ZFHX3: variants seen among roughly 807,000 people sequenced by gnomAD.
The protein encoded by ZFHX3 is zinc finger homeobox 3.
A neutral mutation model predicts 279.1 loss-of-function variants in ZFHX3; 42 were observed. That is an observed-to-expected ratio of 0.15 (90% confidence interval 0.12 to 0.19). The LOEUF is 0.19. ZFHX3 is among the 10% of genes least tolerant of loss of function. The probability of loss-of-function intolerance (pLI) is 1.00; values close to 1 mark genes in which losing one functional copy is unlikely to be tolerated. For synonymous variants in ZFHX3, 2,293 were observed against 1,957.8 expected (o/e 1.17, Z -4.52); for missense variants, 4,981 against 4,754.0 (o/e 1.05, Z -1.40).
At chr16:72,912,881 C>G (rs1426458170) in intron 3 of ZFHX3, among the ~76,000 whole-genome samples, 1 of 152,162 alleles carries the variant, frequency 6.6e-6, no homozygotes, top group Non-Finnish European at 1.5e-5. Flanking sequence ...CACACCACCA[C>G]ACCTGGCTAA....
At chr16:72,931,815 A>T (rs1162502463) in intron 3 of ZFHX3, among the ~76,000 whole-genome samples, 1 of 152,220 alleles carries the variant, frequency 6.6e-6, no homozygotes, top group African/African-American at 2.4e-5. Flanking sequence ...GAACTCACTT[A>T]TGCAACGAGG....
intron 1 of ZFHX3, among the ~76,000 whole-genome samples, chr16:73,888,361 C>T (rs990882601): frequency 6.6e-6 from 1 of 152,152 alleles, no homozygotes; most frequent in Non-Finnish European, 1.5e-5. Flanking sequence ...CGAGGGAATA[C>T]GGCTTTTGCC....
intron 1 of ZFHX3, among the ~76,000 whole-genome samples, chr16:73,753,363 T>G (rs2053777855): frequency 6.6e-6 from 1 of 152,160 alleles, no homozygotes; most frequent in Non-Finnish European, 1.5e-5. Context: ...CTCCCACTAG[T>G]GCAGTGACAG....
At chr16:72,788,898 G>A in intron 9 of ZFHX3, 50 bp from the exon 10 acceptor site, 2 of 1,506,074 alleles carry the variant, frequency 1.3e-6, no homozygotes, top group Non-Finnish European at 1.8e-6. Flanking sequence ...CAGGGGTAGG[G>A]CTGAAGCTCA....
chr16:73,616,755 C>T (rs938510086), intron 2 of ZFHX3, among the ~76,000 whole-genome samples: 3 of 152,066 alleles, frequency 2.0e-5, no homozygotes, highest in African/African-American at 4.8e-5. Flanking sequence ...AAGACACATC[C>T]GATTTAATAT....
chr16:73,236,891 T>C (rs1042322960), intron 5 of ZFHX3, among the ~76,000 whole-genome samples: 1 of 152,058 alleles, frequency 6.6e-6, no homozygotes, highest in African/African-American at 2.4e-5. Flanking sequence ...ACGCGGTACC[T>C]GAGATAACTT....
intron 1 of ZFHX3, among the ~76,000 whole-genome samples, chr16:72,972,323 C>T (rs1222747760): frequency 6.6e-6 from 1 of 152,142 alleles, no homozygotes; most frequent in Admixed American, 6.5e-5. Context: ...AGCTCCTGGA[C>T]AGGAGAGAGT....
At chr16:73,057,723 C>A (rs1965589766) in intron 1 of ZFHX3, among the ~76,000 whole-genome samples, 2 of 151,594 alleles carry the variant, frequency 1.3e-5, no homozygotes, top group Admixed American at 1.3e-4. Flanking sequence ...GCTCGCGGCG[C>A]TGCCAGTGGG....
At chr16:73,793,599 T>G (rs1372819133) in intron 1 of ZFHX3, among the ~76,000 whole-genome samples, 1 of 152,250 alleles carries the variant, frequency 6.6e-6, no homozygotes, top group African/African-American at 2.4e-5. Context: ...CTGGACTATT[T>G]GACTGTGTGA....
intron 2 of ZFHX3, among the ~76,000 whole-genome samples, chr16:73,602,672 C>T (rs1426447484): frequency 6.6e-6 from 1 of 152,052 alleles, no homozygotes; most frequent in Non-Finnish European, 1.5e-5. Flanking sequence ...CTCGGCTAGG[C>T]GCGGTGGCTC....
intron 5 of ZFHX3, among the ~76,000 whole-genome samples, chr16:73,151,674 T>C (rs903094299): frequency 1.3e-5 from 2 of 152,132 alleles, no homozygotes; most frequent in African/African-American, 4.8e-5. Flanking sequence ...AGGTCTGTCC[T>C]ACGTGTTGAG....
intron 7 of ZFHX3, among the ~76,000 whole-genome samples, chr16:73,120,457 A>G (rs1208880260): frequency 6.6e-6 from 1 of 151,688 alleles, no homozygotes; most frequent in African/African-American, 2.4e-5. Context: ...ATTTTTTTGT[A>G]GAGACAGGGT....
intron 5 of ZFHX3, among the ~76,000 whole-genome samples, chr16:73,240,274 A>G (rs1216397171): frequency 6.6e-6 from 1 of 151,400 alleles, no homozygotes; most frequent in Non-Finnish European, 1.5e-5. Context: ...GCTGGAGTGC[A>G]TGGGTGCCAT....
At chr16:73,719,098 T>C (rs894230541) in intron 1 of ZFHX3, among the ~76,000 whole-genome samples, 9 of 152,230 alleles carry the variant, frequency 5.9e-5, no homozygotes, top group African/African-American at 2.2e-4. Context: ...AATCTCCCTG[T>C]GTATCAAGAA....
intron 1 of ZFHX3, among the ~76,000 whole-genome samples, chr16:73,030,614 A>T (rs551484669): frequency 3.2e-4 from 49 of 152,166 alleles, no homozygotes; most frequent in African/African-American, 1.1e-3. Flanking sequence ...GGAAGTCAGA[A>T]GATATTGTTT....
At chr16:73,733,181 T>C (rs148862260) in intron 1 of ZFHX3, among the ~76,000 whole-genome samples, 15 of 152,304 alleles carry the variant, frequency 9.8e-5, no homozygotes, top group African/African-American at 2.9e-4. Flanking sequence ...TGTGTTGGCA[T>C]TTACTATCCA....
chr16:73,384,116 CATG>C (rs1246249399), intron 3 of ZFHX3, among the ~76,000 whole-genome samples: 2 of 152,228 alleles, frequency 1.3e-5, no homozygotes, highest in East Asian at 3.8e-4. Flanking sequence ...CAATTCCTGC[CATG>C]ATGTCAGATG....
intron 1 of ZFHX3, among the ~76,000 whole-genome samples, chr16:73,701,656 C>A (rs937666889): frequency 6.6e-6 from 1 of 152,146 alleles, no homozygotes; most frequent in Non-Finnish European, 1.5e-5. Flanking sequence ...GCCTAAATTA[C>A]AATTTAATTA....
intron 1 of ZFHX3, among the ~76,000 whole-genome samples, chr16:72,978,668 C>T (rs1962460112): frequency 6.6e-6 from 1 of 152,218 alleles, no homozygotes; most frequent in South Asian, 2.1e-4. Flanking sequence ...CAACAAGGCA[C>T]CTCGGTGCTT....
Sources: allele counts gnomAD v4.1 joint callset (sites outside exome capture counted in the v4.1 genomes callset), GRCh38; gene constraint gnomAD v4.1.1; transcripts MANE v1.5; gene names NCBI Gene and HGNC (gene_info 2026-07-23, HGNC 2026-07-21).